The following SLC14A2 variants were observed in gnomAD, a reference collection of about 807,000 sequenced individuals.
SLC14A2 encodes urea transporter 2.
A neutral mutation model predicts 104.6 loss-of-function variants in SLC14A2; 91 were observed. The observed-to-expected ratio is 0.87, with a 90% CI of 0.73 to 1.04. The LOEUF (loss-of-function observed/expected upper bound fraction) is 1.04, where lower values mean the gene tolerates loss of function less well. Ranked by LOEUF, SLC14A2 falls within the 50% of genes least tolerant of loss-of-function variation. SLC14A2 has a pLI of 0.00. For synonymous variants in SLC14A2, 476 were observed against 466.4 expected, an observed-to-expected ratio of 1.02 and a Z score of -0.27; for missense variants, 1,189 against 1,156.0, an observed-to-expected ratio of 1.03 and a Z score of -0.41.
At chr18:45,583,788 C>G (rs2044531036) in intron 2 of SLC14A2, among the ~76,000 whole-genome samples, 1 of 152,128 alleles carries the variant, frequency 6.6e-6, no homozygotes, top group African/African-American at 2.4e-5. Context: ...TAAAAACACC[C>G]ACTGTGGTTG....
chr18:45,494,915 TACACACACAC>T lies in SLC14A2; in HGVS notation c.-35+11609_-35+11618del, dbSNP rs58079608. On this transcript the variant is annotated intron_variant, in intron 2 of 20. Coordinates refer to the SLC14A2 transcript ENST00000586448. ...AATCGGGTCATCACACACACACACATACACACACACACACACACACACACATCCTTTCTTA... is the reference window on the plus strand; with the variant it reads ...AATCGGGTCATCACACACACACACATACACACACACACACATCCTTTCTTA... 3.5e-3 allele frequency among the ~76,000 whole-genome samples: 524 copies of T among 148,746 alleles called. 2 individuals are homozygous for T. Among genetic ancestry groups the T allele is most frequent in the African/African-American group, 0.012 (490 of 40,246 alleles).
At chr18:45,343,355 C>A (rs1013297259) in intron 1 of SLC14A2, among the ~76,000 whole-genome samples, 1 of 151,928 alleles carries the variant, frequency 6.6e-6, no homozygotes. Context: ...CAGAGGTAAC[C>A]AATGCTAGGG....
At chr18:45,407,414 G>T (rs1176134872) in intron 1 of SLC14A2, among the ~76,000 whole-genome samples, 1 of 152,178 alleles carries the variant, frequency 6.6e-6, no homozygotes, top group Non-Finnish European at 1.5e-5. Flanking sequence ...GAATGTTGTG[G>T]CTGGGTTGAT....
At chr18:45,558,564 G>T (rs1888943802) in intron 2 of SLC14A2, among the ~76,000 whole-genome samples, 1 of 152,208 alleles carries the variant, frequency 6.6e-6, no homozygotes, top group African/African-American at 2.4e-5. Flanking sequence ...ATCACCACAG[G>T]TGTTGTGTTT....
In SLC14A2 at chr18:45,648,195, C is replaced by CTTTTTTTTTTTTTTTTTTTTT. The variant is rs59843067; in HGVS notation, c.1351+4043_1351+4063dup. On this transcript the variant is annotated intron_variant, in intron 10 of 19. Transcript: ENST00000255226. Reference sequence around the variant, plus strand: ...GTTACCCTCTTTATTCTAGTTAATGCTTTTTTTTTTTTTTTTTTTTTTTTT... The same window carrying CTTTTTTTTTTTTTTTTTTTTT: ...GTTACCCTCTTTATTCTAGTTAATGCTTTTTTTTTTTTTTTTTTTTTTTTTTTTTTTTTTTTTTTTTTTTTT... Among the ~76,000 whole-genome samples the CTTTTTTTTTTTTTTTTTTTTT allele has an allele frequency of 1.9e-4, 19 of 101,248 alleles. 4 individuals are homozygous for CTTTTTTTTTTTTTTTTTTTTT. The highest frequency in any genetic ancestry group is 5.8e-4 in the African/African-American group (15 of 25,950). 66.4% of individuals were successfully genotyped at this position (101,248 alleles called of 152,430 possible).
intron 2 of SLC14A2, among the ~76,000 whole-genome samples, chr18:45,584,593 T>C (rs570808039): frequency 1.3e-5 from 2 of 152,342 alleles, no homozygotes; most frequent in South Asian, 4.1e-4. Flanking sequence ...ATGCACCTGT[T>C]GATTAGCCAA....
chr18:45,651,416 T>C (rs972805129), intron 10 of SLC14A2, among the ~76,000 whole-genome samples: 1 of 152,144 alleles, frequency 6.6e-6, no homozygotes, highest in African/African-American at 2.4e-5. Context: ...GTGTCTGCAG[T>C]ATTAGGTAAT....
chr18:45,354,908 T>A (rs1382321974), intron 1 of SLC14A2, among the ~76,000 whole-genome samples: 3 of 152,260 alleles, frequency 2.0e-5, no homozygotes, highest in Admixed American at 6.5e-5. Context: ...TGTCAATGAC[T>A]GCTAATTCTA....
At chr18:45,391,388 G>A (rs1038117239) in intron 1 of SLC14A2, among the ~76,000 whole-genome samples, 91 of 152,154 alleles carry the variant, frequency 6.0e-4, no homozygotes, top group Non-Finnish European at 1.1e-3. Flanking sequence ...ATAAACATAC[G>A]TATGCATGTG....
intron 1 of SLC14A2, among the ~76,000 whole-genome samples, chr18:45,375,236 TA>T (rs2144363794): frequency 6.6e-6 from 1 of 152,302 alleles, no homozygotes; most frequent in Admixed American, 6.5e-5. Flanking sequence ...TTGTAGGACT[TA>T]CAAGTTAGCC....
chr18:45,667,754 T>A, intron 13 of SLC14A2, 79 bp from the exon 14 acceptor site: 1 of 1,147,902 alleles, frequency 8.7e-7, no homozygotes, highest in Non-Finnish European at 1.3e-6. Flanking sequence ...ATATCCAGAT[T>A]CCCTCACACC....
chr18:45,304,061 A>T (rs12455117), intron 1 of SLC14A2, among the ~76,000 whole-genome samples: 57,112 of 152,088 alleles, frequency 0.38, 11,380 homozygotes, highest in African/African-American at 0.52. Context: ...TTTCTACAAA[A>T]GAAGCTTAAT....
intron 1 of SLC14A2, among the ~76,000 whole-genome samples, chr18:45,245,269 C>A (rs2084357747): frequency 6.6e-6 from 1 of 152,126 alleles, no homozygotes; most frequent in African/African-American, 2.4e-5. Flanking sequence ...ATAACCCTGG[C>A]TTGCCTTATG....
rs1486341817 is a variant in SLC14A2 at position 45,285,677 on chromosome 18, G to A, written c.-125+72486G>A. Among the ~76,000 whole-genome samples the A allele has an allele frequency of 1.3e-4, 14 of 110,580 alleles. 1 individual carries two copies. Among genetic ancestry groups the A allele is most frequent in the South Asian group, 2.9e-4 (1 of 3,486 alleles). The allele number at this position is 110,580 out of a possible 152,430, so 72.5% of individuals were successfully genotyped here. On this transcript the variant is annotated intron_variant, in intron 1 of 20. Coordinates refer to the SLC14A2 transcript ENST00000586448. ...AGGTGATCTGCCCCCCCCCCCCCTCGGCCTCCCAAAGTGCTGGGATTACAG... is the reference window on the plus strand; with the variant it reads ...AGGTGATCTGCCCCCCCCCCCCCTCAGCCTCCCAAAGTGCTGGGATTACAG...
At chr18:45,240,441 C>T (rs1316812653) in intron 1 of SLC14A2, among the ~76,000 whole-genome samples, 1 of 151,834 alleles carries the variant, frequency 6.6e-6, no homozygotes, top group East Asian at 1.9e-4. Flanking sequence ...GGATAGGATG[C>T]CCAGTATATA....
intron 1 of SLC14A2, among the ~76,000 whole-genome samples, chr18:45,426,063 T>C (rs951686065): frequency 2.0e-5 from 3 of 152,152 alleles, no homozygotes; most frequent in African/African-American, 7.2e-5. Context: ...GGGAAGTCTA[T>C]GTTCTGAAAA....
intron 2 of SLC14A2, among the ~76,000 whole-genome samples, chr18:45,503,361 G>T (rs2043229458): frequency 6.6e-6 from 1 of 152,140 alleles, no homozygotes; most frequent in Non-Finnish European, 1.5e-5. Flanking sequence ...GTCATCCCAT[G>T]CTCTGTGCTT....
chr18:45,562,550 T>C (rs554890697), intron 2 of SLC14A2, among the ~76,000 whole-genome samples: 1 of 152,318 alleles, frequency 6.6e-6, no homozygotes, highest in South Asian at 2.1e-4. Context: ...CTTGTCTGGC[T>C]GGAGTGTCTG....
chr18:45,213,242 A>G (rs1199786905), intron 1 of SLC14A2: 1 of 152,200 alleles, frequency 6.6e-6, no homozygotes, highest in East Asian at 1.9e-4. Flanking sequence ...ATCTAGAAGG[A>G]AAACTCTGTA....
Sources: gnomAD v4.1 joint callset for allele counts (sites outside exome capture counted in the v4.1 genomes callset) on GRCh38, gnomAD v4.1.1 for gene constraint, MANE v1.5 for transcripts, NCBI Gene and HGNC (gene_info 2026-07-23, HGNC 2026-07-21) for gene names.